The following TMEM63A variants were observed in gnomAD, a reference collection of about 807,000 sequenced individuals.
TMEM63A encodes the protein transmembrane protein 63A, also known as mechanosensitive cation channel TMEM63A.
Under a neutral mutation model 100.6 loss-of-function variants are expected in TMEM63A, and 76 were observed. The ratio of observed to expected loss-of-function variants is 0.76; its 90% CI spans 0.63 to 0.91. The LOEUF (loss-of-function observed/expected upper bound fraction) is 0.91, where lower values mean the gene tolerates loss of function less well. Ranked by LOEUF, TMEM63A falls within the 40% of genes least tolerant of loss-of-function variation. The pLI is 0.00. For missense variants in TMEM63A, 876 were observed against 1,008.8 expected, an observed-to-expected ratio of 0.87 and a Z score of 1.78; for synonymous variants, 401 against 401.1, an observed-to-expected ratio of 1.00 and a Z score of 0.00.
chr1:225,873,269 C>T (rs1192537109), intron 4 of TMEM63A, among the ~76,000 whole-genome samples: 3 of 152,122 alleles, frequency 2.0e-5, no homozygotes, highest in Non-Finnish European at 2.9e-5. Flanking sequence ...CTGAATGTGC[C>T]GTAAAGGCAT....
intron 4 of TMEM63A, 67 bp from the exon 5 acceptor site, chr1:225,872,120 A>G: frequency 8.1e-7 from 1 of 1,227,386 alleles, no homozygotes; most frequent in Non-Finnish European, 1.2e-6. Flanking sequence ...AAACAAGTCA[A>G]AAAGATCACA....
intron 20 of TMEM63A, 98 bp from the exon 21 acceptor site, chr1:225,850,177 G>A: frequency 7.1e-7 from 1 of 1,417,764 alleles, no homozygotes; most frequent in Non-Finnish European, 9.7e-7. Context: ...AAGGAGCCAG[G>A]GCTGGGGCTG....
At chr1:225,846,957 G>T in intron 24 of TMEM63A, 25 bp from the exon 25 acceptor site, 1 of 1,467,006 alleles carries the variant, frequency 6.8e-7, no homozygotes, top group Non-Finnish European at 9.1e-7. Flanking sequence ...AAGAAGTCAT[G>T]AACTTGGGAG....
chr1:225,875,184 C>G (rs1168136949), intron 3 of TMEM63A, among the ~76,000 whole-genome samples: 2 of 152,242 alleles, frequency 1.3e-5, no homozygotes. Context: ...ATGCAGGCAG[C>G]AAGGCACCAC....
At chr1:225,857,395 G>GGGGGGGGGGGGGGGGGGGGGT (rs1669692294) in intron 15 of TMEM63A, among the ~76,000 whole-genome samples, 1 of 124,274 alleles carries the variant, frequency 8.0e-6, no homozygotes, top group African/African-American at 3.7e-5. Flanking sequence ...GGGGGGGGGG[G>GGGGGGGGGGGGGGGGGGGGGT]GGTGCCCTGC....
Position 225,850,035 on chromosome 1 carries a change from GGTT to G in TMEM63A, c.1945_1947del (p.Asn649del). 1 of 1,614,244 alleles carries G rather than the reference GGTT, an allele frequency of 6.2e-7. No individual in the cohort carries two copies. The highest frequency in any genetic ancestry group is 8.5e-7 in the Non-Finnish European group (1 of 1,180,052). On this transcript the variant is annotated inframe_deletion, in exon 21 of 25. Transcript: ENST00000366835. The stretch of plus-strand genomic sequence containing the variant: ...TTGGCTGGGAGGTAGACGAAGTAGA[GGTT>G]GTGCCGGTCCACCATGTGCTTGAGC...
rs747842358 is a variant in TMEM63A, at chr1:225,877,556, G to A, written c.25C>T (p.Leu9=). The change falls in exon 3 of 25, where the codon CTG becomes TTG. Residue 9 remains leucine, a synonymous_variant. Transcript: ENST00000366835. ...ATGGACACTGCCTTGGACTGCCACA[G>A]CTCCAGGAACGGGGAGTCCATCATC... MMDSPFLE[L]WQSKAVSIRE... 1.9e-6 allele frequency: 3 copies of A among 1,614,016 alleles called. No individual in the cohort carries two copies. The highest frequency in any genetic ancestry group is 2.5e-6 in the Non-Finnish European group (3 of 1,179,934).
intron 14 of TMEM63A, chr1:225,859,723 G>GC: frequency 9.8e-6 from 2 of 204,246 alleles, no homozygotes; most frequent in Non-Finnish European, 2.0e-5. Flanking sequence ...TCGGCTCACT[G>GC]CAACCTCTGC....
In TMEM63A at chr1:225,876,775, G is replaced by C. The variant is rs560231760; in HGVS notation, c.186+620C>G. Among the ~76,000 whole-genome samples the C allele has an allele frequency of 7.9e-5, 12 of 152,176 alleles. No homozygotes were observed. The South Asian group carries it at 2.5e-3, about 32-fold the overall frequency. Reference sequence around the variant, plus strand: ...CAATTCTCCTGCCTCGGCCTCCAGAGTAGCCGGGATTACAGGCGCCGACCA... The same window carrying C: ...CAATTCTCCTGCCTCGGCCTCCAGACTAGCCGGGATTACAGGCGCCGACCA... On this transcript the variant is annotated intron_variant, in intron 3 of 24. Coordinates refer to ENST00000366835, the MANE Select transcript of TMEM63A (RefSeq NM_014698.3).
intron 14 of TMEM63A, chr1:225,859,649 G>T (rs1576085856): frequency 7.8e-5 from 21 of 268,790 alleles, no homozygotes; most frequent in South Asian, 2.0e-4. Context: ...TTCTTTTTCT[G>T]TTTTTTTTTT....
intron 13 of TMEM63A, chr1:225,861,931 G>A: frequency 2.0e-6 from 1 of 496,766 alleles, no homozygotes; most frequent in South Asian, 2.2e-5. Context: ...TGGGTCCAGG[G>A]CAGCAGGGAA....
At chr1:225,866,513 T>C in intron 9 of TMEM63A, 61 bp downstream of exon 9, 1 of 1,486,604 alleles carries the variant, frequency 6.7e-7, no homozygotes, top group Non-Finnish European at 9.3e-7. Context: ...GGGAGGCCCT[T>C]CCACTCCGAC....
At chr1:225,873,409 G>C (rs1317177589) in intron 4 of TMEM63A, among the ~76,000 whole-genome samples, 2 of 152,132 alleles carry the variant, frequency 1.3e-5, no homozygotes, top group Non-Finnish European at 1.5e-5. Context: ...CAGTTCAAAG[G>C]ACCCTGCCGC....
In TMEM63A at chr1:225,862,220, G is replaced by A. The variant is rs757430058; in HGVS notation, c.1083C>T (p.Thr361=). The change falls in exon 13 of 25, where the codon ACC becomes ACT. Residue 361 remains threonine (T), a splice_region_variant and synonymous_variant. Transcript: ENST00000366835. The surrounding 1 kb of genome is among the most constrained non-coding windows in gnomAD (Gnocchi z 5.1). The stretch of plus-strand genomic sequence containing the variant: ...GGTCTGGATGTGCCTACACTCACTA[G>A]GTGGCCATGGACTTCTCCTGGAAGG... The part of the protein sequence containing the change: ...FVTFQEKSMA[T]YILKDFNACK... 19 of 1,613,778 alleles carry A rather than the reference G, an allele frequency of 1.2e-5. No individual in the cohort carries two copies. In the East Asian group the frequency reaches 4.0e-4, roughly 34 times the overall value.
chr1:225,862,594 CG>C lies in TMEM63A; in HGVS notation c.828-17del, dbSNP rs776724277. Reference sequence around the variant, plus strand: ...AGTCTTCTTTCTGTAGGGGTGGGAGCGGGGGCACAAACCTCAGATTTAGAAT... The same window carrying C: ...AGTCTTCTTTCTGTAGGGGTGGGAGCGGGGCACAAACCTCAGATTTAGAAT... On this transcript the variant is annotated splice_polypyrimidine_tract_variant and intron_variant, in intron 11 of 24. Transcript: ENST00000366835. The surrounding 1 kb of genome is among the most constrained non-coding windows in gnomAD (Gnocchi z 5.1). 3 of 1,610,510 alleles carry C rather than the reference CG, an allele frequency of 1.9e-6. No homozygotes were observed. The East Asian group carries it at 6.7e-5, about 36-fold the overall frequency.
chr1:225,848,429 G>A, intron 23 of TMEM63A, 63 bp downstream of exon 23: 1 of 1,567,312 alleles, frequency 6.4e-7, no homozygotes, highest in Non-Finnish European at 8.7e-7. Flanking sequence ...CATCTGGTTG[G>A]GACTGTTACA....
chr1:225,848,721 G>A (rs1413886196), intron 22 of TMEM63A, among the ~76,000 whole-genome samples, 167 bp from the exon 23 acceptor site: 1 of 152,168 alleles, frequency 6.6e-6, no homozygotes, highest in East Asian at 1.9e-4. Flanking sequence ...GATGAGGGGA[G>A]GAAGGGAAGC....
At position 225,853,539 on chromosome 1, in the gene TMEM63A, T is replaced by G; in HGVS notation, c.1797+90A>C. The G allele has an allele frequency of 8.9e-6, 11 of 1,233,060 alleles. No individual in the cohort carries two copies. The highest frequency in any genetic ancestry group is 1.2e-5 in the Non-Finnish European group (11 of 911,920). 76.4% of individuals were successfully genotyped at this position (1,233,060 alleles called of 1,614,324 possible). A position where few individuals can be genotyped will look rare whatever the true frequency, so the allele number is the denominator to read the frequency against. On this transcript the variant is annotated intron_variant, in intron 19 of 24. Coordinates refer to ENST00000366835, the MANE Select transcript of TMEM63A (RefSeq NM_014698.3). This position sits in a 1 kb window ranked among gnomAD's most constrained non-coding sequence, Gnocchi z 4.0. ...TAGTCAGGTAAATGCTACCCACTAG[T>G]GGGGGTAGTGGGGGTGAGAGGCCCT...
At chr1:225,860,643 G>C (rs1429802034) in intron 14 of TMEM63A, 1 of 408,452 alleles carries the variant, frequency 2.4e-6, no homozygotes, top group Non-Finnish European at 4.2e-6. Flanking sequence ...ATTTCTGCTG[G>C]GTAGCACTTG....
Sources: allele counts gnomAD v4.1 joint callset (sites outside exome capture counted in the v4.1 genomes callset), GRCh38; gene constraint gnomAD v4.1.1; non-coding constraint Gnocchi (gnomAD v3.1); transcripts MANE v1.5; gene names NCBI Gene and HGNC (gene_info 2026-07-23, HGNC 2026-07-21).